The following PECAM1 variants were observed in gnomAD, a reference collection of about 807,000 sequenced individuals.
PECAM1 encodes the protein platelet and endothelial cell adhesion molecule 1.
Under a neutral mutation model 13.8 loss-of-function variants are expected in PECAM1, and 8 were observed. That is an observed-to-expected ratio of 0.58 (90% CI 0.34 to 1.05). The LOEUF (loss-of-function observed/expected upper bound fraction) is 1.05. Ranked by LOEUF, PECAM1 falls within the 50% of genes least tolerant of loss-of-function variation. The pLI, the probability that PECAM1 is intolerant of heterozygous loss-of-function variation, is 0.03. For synonymous variants in PECAM1, 136 were observed against 52.6 expected (o/e 2.58, Z -6.86); for missense variants, 304 against 141.2 (o/e 2.15, Z -5.84).
chr17:64,370,262 C>T (rs2036211072), intron 4 of PECAM1: 2 of 341,300 alleles, frequency 5.9e-6, no homozygotes, highest in African/African-American at 4.2e-5. Flanking sequence ...CTGAAGCTTC[C>T]CAAAGGCCAA....
intron 11 of PECAM1, 72 bp from the exon 12 acceptor site, chr17:64,350,505 G>C (rs2035693448): frequency 4.9e-6 from 2 of 411,404 alleles, no homozygotes; most frequent in African/African-American, 4.1e-5. Context: ...TAAAAATTCA[G>C]TACCCCTAAC....
In PECAM1 at chr17:64,323,835, C is replaced by G. The variant is rs782771887; in HGVS notation, c.2198G>C (p.Gly733Ala). 3.4e-5 allele frequency: 28 copies of G among 821,338 alleles called. No homozygotes were observed. The African/African-American group carries it at 4.0e-4, about 12-fold the overall frequency. 50.9% of individuals were successfully genotyped at this position (821,338 alleles called of 1,614,324 possible). ...TGCTGTCTAAGTTCCATCAAGGGAG[C>G]CTTCCGTTCTCTGTAGCGACAAGAA... ...AVESRYSRTEGSLDGT is the reference protein window; with the variant it reads ...AVESRYSRTEASLDGT The change falls in exon 16 of 16, where the codon GGC (glycine) becomes GCC (alanine). Residue 733 changes from glycine (G) to alanine (A), a missense_variant. Transcript: ENST00000563924.
In PECAM1 at chr17:64,376,067, G is replaced by C. The variant is rs1170139055; in HGVS notation, c.386-711C>G. Among the ~76,000 whole-genome samples, 4 of 152,190 alleles carry C rather than the reference G, an allele frequency of 2.6e-5. No homozygotes were observed. In the East Asian group the frequency reaches 7.8e-4, roughly 29 times the overall value. ...ATCTGTAATCTCAACACTTTGGGAG[G>C]CTGAGGCAGGTGGATCACCTGAGGT... On this transcript the variant is annotated intron_variant, in intron 3 of 15. Coordinates refer to ENST00000563924, the MANE Select transcript of PECAM1 (RefSeq NM_000442.5).
chr17:64,337,956 A>G (rs1171817994), intron 14 of PECAM1, among the ~76,000 whole-genome samples: 1 of 150,974 alleles, frequency 6.6e-6, no homozygotes, highest in East Asian at 1.9e-4. Context: ...AAAAACAAAG[A>G]GGGTCTCTGT....
intron 13 of PECAM1, among the ~76,000 whole-genome samples, chr17:64,344,010 G>A (rs950027507): frequency 6.6e-6 from 1 of 152,218 alleles, no homozygotes; most frequent in Non-Finnish European, 1.5e-5. Flanking sequence ...AGGAGCTCCA[G>A]GCTGCGAGGC....
At chr17:64,354,348 T>C (rs947495123) in intron 9 of PECAM1, among the ~76,000 whole-genome samples, 4,029 of 152,280 alleles carry the variant, frequency 0.026, 181 homozygotes, top group African/African-American at 0.092. Context: ...TCTATCTTCC[T>C]TGATGGGTGG....
At chr17:64,342,477 G>T (rs975994056) in intron 13 of PECAM1, among the ~76,000 whole-genome samples, 91 of 152,310 alleles carry the variant, frequency 6.0e-4, no homozygotes, top group Non-Finnish European at 1.1e-3. Flanking sequence ...AGAGCCTGGG[G>T]GTTGTCAGTG....
intron 5 of PECAM1, among the ~76,000 whole-genome samples, chr17:64,368,873 G>T (rs1212691593): frequency 2.3e-5 from 3 of 129,528 alleles, no homozygotes; most frequent in Non-Finnish European, 4.9e-5. Context: ...AAAAAAAAAA[G>T]AAAAGAAAAT....
At chr17:64,334,992 T>A (rs1432860748) in intron 14 of PECAM1, among the ~76,000 whole-genome samples, 2 of 152,100 alleles carry the variant, frequency 1.3e-5, no homozygotes, top group African/African-American at 4.8e-5. Context: ...AGGAACATGC[T>A]GCATCAAGAG....
At chr17:64,338,268 T>TG (rs2035336387) in intron 14 of PECAM1, among the ~76,000 whole-genome samples, 1 of 135,852 alleles carries the variant, frequency 7.4e-6, no homozygotes, top group African/African-American at 2.7e-5. Flanking sequence ...TTTTTAGAGA[T>TG]GGGGCCTCAC....
Position 64,369,733 on chromosome 17 carries a change from C to T in PECAM1, c.967+17G>A, listed in dbSNP as rs1453405999. The T allele has an allele frequency of 1.0e-5, 4 of 398,526 alleles. No homozygotes were observed. Among genetic ancestry groups the T allele is most frequent in the East Asian group, 3.6e-5 (1 of 28,094 alleles). 24.7% of individuals were successfully genotyped at this position (398,526 alleles called of 1,614,324 possible). On this transcript the variant is annotated intron_variant, in intron 5 of 15. Coordinates refer to ENST00000563924, the MANE Select transcript of PECAM1 (RefSeq NM_000442.5). ...AGCCCGCCATATGCCAACACCCTCC[C>T]GCAGCAGCAGCCCTACCTGTTATGT...
intron 13 of PECAM1, among the ~76,000 whole-genome samples, chr17:64,346,350 T>A (rs1268368369): frequency 6.6e-6 from 1 of 152,178 alleles, no homozygotes; most frequent in East Asian, 1.9e-4. Flanking sequence ...TTTTTAATTT[T>A]TTTTTAGACG....
chr17:64,327,163 C>T (rs2034980642), intron 15 of PECAM1, among the ~76,000 whole-genome samples: 1 of 152,238 alleles, frequency 6.6e-6, no homozygotes, highest in African/African-American at 2.4e-5. Context: ...GGGTAAGCAA[C>T]TGCTACATTC....
At chr17:64,325,891 G>C (rs1401818507) in intron 15 of PECAM1, among the ~76,000 whole-genome samples, 2 of 152,184 alleles carry the variant, frequency 1.3e-5, no homozygotes, top group African/African-American at 4.8e-5. Context: ...GACCCACACT[G>C]TTCTCTATGC....
chr17:64,369,213 C>T (rs1212004750), intron 5 of PECAM1, among the ~76,000 whole-genome samples: 3 of 152,064 alleles, frequency 2.0e-5, no homozygotes, highest in Non-Finnish European at 2.9e-5. Flanking sequence ...GGATTACAGA[C>T]GTGAGCCACC....
chr17:64,375,789 C>T (rs1240454705), intron 3 of PECAM1, among the ~76,000 whole-genome samples: 1 of 151,860 alleles, frequency 6.6e-6, no homozygotes, highest in African/African-American at 2.4e-5. Flanking sequence ...GATCCCACCA[C>T]TGCACTCCAG....
At chr17:64,327,583 T>C (rs1410399684) in intron 15 of PECAM1, among the ~76,000 whole-genome samples, 2 of 152,214 alleles carry the variant, frequency 1.3e-5, no homozygotes, top group African/African-American at 2.4e-5. Context: ...GGCAGGGTCC[T>C]TTCCAAGATC....
intron 14 of PECAM1, among the ~76,000 whole-genome samples, chr17:64,330,182 AT>A (rs1353471216): frequency 6.6e-6 from 1 of 151,590 alleles, no homozygotes; most frequent in Non-Finnish European, 1.5e-5. Flanking sequence ...TGCCTGGCTA[AT>A]TTTTTTTGTA....
At chr17:64,352,603 C>T (rs2035750776) in intron 10 of PECAM1, 140 bp from the exon 11 acceptor site, 1 of 388,134 alleles carries the variant, frequency 2.6e-6, no homozygotes, top group African/African-American at 2.1e-5. Flanking sequence ...GAAAACTTTA[C>T]TCTCTCATTT....
Sources: allele counts gnomAD v4.1 joint callset (sites outside exome capture counted in the v4.1 genomes callset), GRCh38; gene constraint gnomAD v4.1.1; transcripts MANE v1.5; gene names NCBI Gene and HGNC (gene_info 2026-07-23, HGNC 2026-07-21).